Variants in SNX24 observed in about 807,000 individuals in gnomAD.
The protein encoded by SNX24 is sorting nexin-24.
Under a neutral mutation model 28.7 loss-of-function variants are expected in SNX24, and 22 were observed. The observed-to-expected ratio is 0.77, with a 90% CI of 0.55 to 1.10. The LOEUF is 1.10. Among genes scored for constraint, SNX24 ranks in the 50% least tolerant of loss-of-function variants. The probability of loss-of-function intolerance (pLI) is 0.00; values close to 1 mark genes in which losing one functional copy is unlikely to be tolerated. For missense variants in SNX24, 221 were observed against 201.1 expected (o/e 1.10, Z -0.60); for synonymous variants, 69 against 71.5 (o/e 0.96, Z 0.18).
At chr5:123,001,531 A>T in intron 5 of SNX24, 94 bp downstream of exon 5, 1 of 936,952 alleles carries the variant, frequency 1.1e-6, no homozygotes. Context: ...TTTTCTTAAG[A>T]ACCTTTGTTT....
intron 1 of SNX24, among the ~76,000 whole-genome samples, chr5:122,928,119 T>C (rs1275544489): frequency 6.6e-6 from 1 of 152,222 alleles, no homozygotes. Flanking sequence ...CTCTTCCCAC[T>C]GCCACTCAGA....
intron 3 of SNX24, among the ~76,000 whole-genome samples, chr5:122,953,615 C>T (rs1352760526): frequency 2.6e-5 from 4 of 152,034 alleles, no homozygotes; most frequent in East Asian, 3.9e-4. Flanking sequence ...TACATCCCTC[C>T]ATTCTTCAGT....
intron 1 of SNX24, among the ~76,000 whole-genome samples, chr5:122,899,377 C>T (rs1053380305): frequency 6.6e-6 from 1 of 152,134 alleles, no homozygotes; most frequent in Admixed American, 6.5e-5. Context: ...GTTCAACATA[C>T]AGTCTATCAG....
At chr5:122,925,946 A>G (rs1758675654) in intron 1 of SNX24, among the ~76,000 whole-genome samples, 1 of 152,216 alleles carries the variant, frequency 6.6e-6, no homozygotes, top group Non-Finnish European at 1.5e-5. Context: ...AGACAAACAG[A>G]CAATAAACCA....
intron 1 of SNX24, among the ~76,000 whole-genome samples, chr5:122,936,392 C>T (rs924805124): frequency 6.6e-5 from 10 of 152,214 alleles, no homozygotes; most frequent in African/African-American, 2.2e-4. Context: ...TTGTAATACT[C>T]TGGTAAAGAG....
At chr5:122,883,810 C>A (rs535422129) in intron 1 of SNX24, among the ~76,000 whole-genome samples, 30 of 152,210 alleles carry the variant, frequency 2.0e-4, no homozygotes, top group Admixed American at 1.0e-3. Flanking sequence ...TGCGCCACCA[C>A]ACCTGGCTAA....
At chr5:122,917,997 G>A (rs892846686) in intron 1 of SNX24, among the ~76,000 whole-genome samples, 8 of 152,228 alleles carry the variant, frequency 5.3e-5, no homozygotes, top group African/African-American at 1.2e-4. Flanking sequence ...GGAGAATGGC[G>A]TGAACCTGAG....
intron 1 of SNX24, among the ~76,000 whole-genome samples, chr5:122,917,552 G>A (rs1049234189): frequency 6.6e-6 from 1 of 152,106 alleles, no homozygotes; most frequent in Non-Finnish European, 1.5e-5. Context: ...CAGGACGGAG[G>A]ATCTGAAGAA....
chr5:122,913,291 C>T (rs7711950), intron 1 of SNX24, among the ~76,000 whole-genome samples: 52,080 of 149,120 alleles, frequency 0.35, 9,080 homozygotes, highest in African/African-American at 0.45. Flanking sequence ...TAGGGGCGGC[C>T]GGGCAGAGGC....
chr5:122,882,175 T>C (rs1200963290), intron 1 of SNX24, among the ~76,000 whole-genome samples: 2 of 152,122 alleles, frequency 1.3e-5, no homozygotes, highest in African/African-American at 4.8e-5. Flanking sequence ...GGTCTCCGAC[T>C]CCTTGCCTCA....
intron 1 of SNX24, among the ~76,000 whole-genome samples, chr5:122,907,837 A>T (rs1411615471): frequency 6.6e-6 from 1 of 152,168 alleles, no homozygotes; most frequent in African/African-American, 2.4e-5. Flanking sequence ...ACACCGTGGT[A>T]TAAAATTTCA....
chr5:123,020,139 CTA>C (rs1300116576), intron 5 of SNX24, among the ~76,000 whole-genome samples: 8 of 152,208 alleles, frequency 5.3e-5, no homozygotes, highest in Admixed American at 2.6e-4. Flanking sequence ...AGAGTGGTGT[CTA>C]TGTGCTCTTG....
intron 1 of SNX24, among the ~76,000 whole-genome samples, chr5:122,913,883 G>A (rs1048255175): frequency 7.9e-5 from 12 of 152,212 alleles, no homozygotes; most frequent in Non-Finnish European, 1.0e-4. Context: ...CGAGGCTGGC[G>A]GATCACTCGC....
At chr5:122,858,800 A>G (rs1755324080) in intron 1 of SNX24, among the ~76,000 whole-genome samples, 1 of 152,222 alleles carries the variant, frequency 6.6e-6, no homozygotes, top group Admixed American at 6.5e-5. Context: ...TTATATGGTT[A>G]AAAATCATTT....
intron 2 of SNX24, among the ~76,000 whole-genome samples, chr5:122,944,731 G>A (rs1312976200): frequency 6.6e-6 from 1 of 152,086 alleles, no homozygotes; most frequent in South Asian, 2.1e-4. Flanking sequence ...CCCCTTCTTC[G>A]TGATGTACAA....
intron 3 of SNX24, among the ~76,000 whole-genome samples, chr5:122,952,286 C>T (rs532981952): frequency 3.9e-5 from 6 of 152,238 alleles, no homozygotes; most frequent in South Asian, 4.1e-4. Context: ...ATGCAGAATA[C>T]GTGCAGCCTG....
At chr5:123,025,727 G>T in intron 5 of SNX24, 1 of 1,525,916 alleles carries the variant, frequency 6.6e-7, no homozygotes, top group Non-Finnish European at 9.0e-7. Flanking sequence ...ATAAATCACT[G>T]AAAGTACTCT....
intron 6 of SNX24, among the ~76,000 whole-genome samples, chr5:123,007,441 A>C (rs1426950681): frequency 6.6e-6 from 1 of 152,174 alleles, no homozygotes; most frequent in East Asian, 1.9e-4. Flanking sequence ...CATCCCTTAA[A>C]TCAATAAGCT....
At chr5:123,003,280 T>G (rs1762310266) in intron 6 of SNX24, among the ~76,000 whole-genome samples, 1 of 152,200 alleles carries the variant, frequency 6.6e-6, no homozygotes, top group South Asian at 2.1e-4. Context: ...CTGCCTTTGC[T>G]GTATAGGAAT....
Sources: allele counts gnomAD v4.1 joint callset (sites outside exome capture counted in the v4.1 genomes callset), GRCh38; gene constraint gnomAD v4.1.1; transcripts MANE v1.5; gene names NCBI Gene and HGNC (gene_info 2026-07-23, HGNC 2026-07-21).